The following MIA3 variants were observed in gnomAD, a reference collection of about 807,000 sequenced individuals.
MIA3 encodes the protein transport and Golgi organization protein 1 homolog.
MIA3 carries 90 observed loss-of-function variants against 192.4 expected under a neutral mutation model. The ratio of observed to expected loss-of-function variants is 0.47; its 90% CI spans 0.39 to 0.56. The LOEUF (loss-of-function observed/expected upper bound fraction) is 0.56. MIA3 is among the 20% of genes least tolerant of loss of function. The pLI is 0.00. For synonymous variants in MIA3, 740 were observed against 792.8 expected (o/e 0.93, Z 1.12); for missense variants, 2,123 against 2,269.4 (o/e 0.94, Z 1.31).
intron 18 of MIA3, among the ~76,000 whole-genome samples, chr1:222,655,754 T>C (rs2936020): frequency 0.23 from 34,219 of 152,036 alleles, 4,277 homozygotes; most frequent in Admixed American, 0.34. Flanking sequence ...AATAGTAATG[T>C]GAATTACGTA....
At chr1:222,626,585 G>A (rs111553177) in intron 3 of MIA3, among the ~76,000 whole-genome samples, 2,126 of 152,254 alleles carry the variant, frequency 0.014, 50 homozygotes, top group African/African-American at 0.048. Context: ...TGGAGGAAGG[G>A]AAAAATACAG....
At chr1:222,648,557 G>A (rs1375822062) in intron 7 of MIA3, among the ~76,000 whole-genome samples, 4 of 152,148 alleles carry the variant, frequency 2.6e-5, no homozygotes, top group African/African-American at 9.7e-5. Flanking sequence ...CGTAAGACTG[G>A]TGCTCATTTA....
chr1:222,622,817 C>A (rs1661934878), intron 2 of MIA3, among the ~76,000 whole-genome samples: 1 of 152,144 alleles, frequency 6.6e-6, no homozygotes, highest in African/African-American at 2.4e-5. Flanking sequence ...TTTGCTCATT[C>A]ACGTCTTCAT....
chr1:222,628,874 G>T lies in MIA3; in HGVS notation c.1654G>T (p.Gly552Cys), dbSNP rs375781158. 1 of 1,614,028 alleles carries T rather than the reference G, an allele frequency of 6.2e-7. No homozygotes were observed. Among genetic ancestry groups the T allele is most frequent in the Non-Finnish European group, 8.5e-7 (1 of 1,180,044 alleles). ...AAAGCCTGGAGAGCAGATTTTGGAA[G>T]GTGGCTCAGAGAGTGAATCTGCACA... ...EEKPGEQILE[G>C]GSESESAQKA... The change falls in exon 4 of 28, where the codon GGT (glycine) becomes TGT (cysteine). Residue 552 changes from glycine (G) to cysteine (C), a missense_variant. Physicochemically the swap from Gly to Cys is radical, Grantham distance 159 (BLOSUM62 -3). Coordinates refer to ENST00000344922, the MANE Select transcript of MIA3 (RefSeq NM_198551.4).
At chr1:222,662,550 A>C (rs1664072715) in intron 26 of MIA3, 1 of 1,306,464 alleles carries the variant, frequency 7.7e-7, no homozygotes, top group Non-Finnish European at 9.9e-7. Context: ...AGAAGTGTGG[A>C]CTGAACTGGG....
chr1:222,663,133 A>G (rs1334222248), intron 26 of MIA3: 1 of 152,358 alleles, frequency 6.6e-6, no homozygotes, highest in South Asian at 2.1e-4. Flanking sequence ...GAAGTGATTA[A>G]TCAGTATCTC....
intron 6 of MIA3, among the ~76,000 whole-genome samples, chr1:222,640,435 T>C (rs544251265): frequency 3.3e-5 from 5 of 152,158 alleles, no homozygotes; most frequent in African/African-American, 1.2e-4. Flanking sequence ...GAATAGACCA[T>C]TGGAACAAAA....
chr1:222,648,156 GA>G (rs1558188633), intron 7 of MIA3, among the ~76,000 whole-genome samples: 1 of 152,166 alleles, frequency 6.6e-6, no homozygotes, highest in Non-Finnish European at 1.5e-5. Flanking sequence ...GCCCTTTCAG[GA>G]AGATGATAGT....
chr1:222,618,250 G>A lies in MIA3; in HGVS notation c.133+7G>A, dbSNP rs1661693957. On this transcript the variant is annotated splice_region_variant and intron_variant, in intron 1 of 27. Coordinates refer to ENST00000344922, the MANE Select transcript of MIA3 (RefSeq NM_198551.4). ...GCGGACGACGAATGCAGCAGTGAGTGCGCTGGAGGGGCGGCTGGCCTCGGG... is the reference window on the plus strand; with the variant it reads ...GCGGACGACGAATGCAGCAGTGAGTACGCTGGAGGGGCGGCTGGCCTCGGG... 2.8e-6 allele frequency: 4 copies of A among 1,439,274 alleles called. No individual in the cohort carries two copies. Among genetic ancestry groups the A allele is most frequent in the South Asian group, 1.3e-5 (1 of 74,322 alleles). 89.2% of individuals were successfully genotyped at this position (1,439,274 alleles called of 1,614,324 possible). A position where few individuals can be genotyped will look rare whatever the true frequency, so the allele number is the denominator to read the frequency against.
intron 26 of MIA3, 61 bp from the exon 27 acceptor site, chr1:222,663,937 G>A: frequency 1.3e-6 from 2 of 1,486,400 alleles, no homozygotes; most frequent in Non-Finnish European, 1.8e-6. Context: ...TTTTACTGGT[G>A]TTGGTGCTTT....
intron 24 of MIA3, 104 bp downstream of exon 24, chr1:222,660,418 A>G: frequency 8.6e-7 from 1 of 1,169,556 alleles, no homozygotes; most frequent in Non-Finnish European, 1.1e-6. Context: ...TGTCCAGTAT[A>G]GAAAAGAAAA....
In MIA3 at chr1:222,662,071, C is replaced by T; in HGVS notation, c.5129C>T (p.Pro1710Leu). Residue 1710 changes from proline to leucine, a missense_variant, in exon 25 of 28, where the codon CCT (proline) becomes CTT (leucine). By Grantham distance (98) the Pro-to-Leu change is moderately conservative. Around this residue, in one of 3 missense-constraint regions of MIA3, gnomAD observed 762 missense variants for 856.4 expected, o/e 0.89. Coordinates refer to ENST00000344922, the MANE Select transcript of MIA3 (RefSeq NM_198551.4). ...CTTTCTCAAGGATCAGTGGACGGGC[C>T]TCTACCTCATCCTCGATGGTCAGCT... Reference protein sequence around the residue: ...PRSEFGSVDGPLPHPRWSAEA... With the variant: ...PRSEFGSVDGLLPHPRWSAEA... 11 of 1,613,918 alleles carry T rather than the reference C, an allele frequency of 6.8e-6. No homozygotes were observed. Among genetic ancestry groups the T allele is most frequent in the Non-Finnish European group, 9.3e-6 (11 of 1,179,838 alleles).
intron 2 of MIA3, among the ~76,000 whole-genome samples, chr1:222,621,878 G>A (rs1290936697): frequency 3.4e-5 from 5 of 147,914 alleles, no homozygotes; most frequent in Non-Finnish European, 7.4e-5. Flanking sequence ...GCGCGATCTC[G>A]GCTCACTGCA....
intron 24 of MIA3, 82 bp downstream of exon 24, chr1:222,660,396 A>G: frequency 7.6e-6 from 11 of 1,448,318 alleles, no homozygotes; most frequent in Non-Finnish European, 8.4e-6. Flanking sequence ...CAAACACTTT[A>G]GAATTCGGGT....
intron 3 of MIA3, among the ~76,000 whole-genome samples, chr1:222,627,345 C>T (rs1447514035): frequency 1.3e-5 from 2 of 152,134 alleles, no homozygotes; most frequent in East Asian, 3.9e-4. Flanking sequence ...AATCATTCTT[C>T]CCCTGGGGAA....
intron 7 of MIA3, among the ~76,000 whole-genome samples, chr1:222,648,337 G>A (rs1663252118): frequency 6.6e-6 from 1 of 152,140 alleles, no homozygotes; most frequent in Admixed American, 6.5e-5. Context: ...TTTCTGAGAT[G>A]TTTTCTGGAG....
In MIA3 at chr1:222,629,400, C is replaced by T; in HGVS notation, c.2180C>T (p.Ser727Phe). 2 of 1,614,146 alleles carry T rather than the reference C, an allele frequency of 1.2e-6. No individual in the cohort carries two copies. The highest frequency in any genetic ancestry group is 1.7e-6 in the Non-Finnish European group (2 of 1,180,028). ...AAAGTAGAAGAGGATGATTATCCCT[C>T]TGAAGAACTACTAGAGGATGAAAAC... ...LSKVEEDDYP[S>F]EELLEDENAI... Residue 727 changes from serine to phenylalanine, a missense_variant, in exon 4 of 28, where the codon TCT becomes TTT. Coordinates refer to ENST00000344922, the MANE Select transcript of MIA3 (RefSeq NM_198551.4).
rs756817909 is a variant in MIA3 at position 222,628,842 on chromosome 1, A to T, written c.1622A>T (p.His541Leu). The T allele has an allele frequency of 1.4e-5, 23 of 1,614,188 alleles. No homozygotes were observed. The highest frequency in any genetic ancestry group is 1.9e-5 in the Non-Finnish European group (22 of 1,180,034). ...ATTCATATCTCAAAAGGAATGCTCCACGAAGAAAAGCCTGGAGAGCAGATT... is the reference window on the plus strand; with the variant it reads ...ATTCATATCTCAAAAGGAATGCTCCTCGAAGAAAAGCCTGGAGAGCAGATT... ...AAIHISKGML[H>L]EEKPGEQILE... Residue 541 changes from histidine to leucine, a missense_variant, in exon 4 of 28, where the codon CAC becomes CTC. By Grantham distance (99) the His-to-Leu change is moderately conservative (BLOSUM62 -3). Transcript: ENST00000344922.
Position 222,629,956 on chromosome 1 carries a change from A to G in MIA3, c.2736A>G (p.Val912=). 1.2e-6 allele frequency: 2 copies of G among 1,614,172 alleles called. No individual in the cohort carries two copies. Among genetic ancestry groups the G allele is most frequent in the Non-Finnish European group, 1.7e-6 (2 of 1,180,022 alleles). Residue 912 remains valine (V), a synonymous_variant, in exon 4 of 28, where the codon GTA becomes GTG. Transcript: ENST00000344922. The part of the protein sequence containing the change: ...DSFHWTPHTS[V]EPGHSDKRED... ...TCCACTGGACTCCACATACAAGTGT[A>G]GAGCCAGGGCATAGTGACAAGAGGG...
Sources: gnomAD v4.1 joint callset for allele counts (sites outside exome capture counted in the v4.1 genomes callset) on GRCh38, gnomAD v4.1.1 for gene constraint, gnomAD v4.1.1 regional missense constraint, MANE v1.5 for transcripts, NCBI Gene and HGNC (gene_info 2026-07-23, HGNC 2026-07-21) for gene names.